Variants in UTRN observed in about 807,000 individuals in gnomAD.
UTRN encodes dystrophin-related protein 1.
UTRN carries 283 observed loss-of-function variants against 463.9 expected under a neutral mutation model. That is an observed-to-expected ratio of 0.61 (90% CI 0.55 to 0.67). The LOEUF is 0.67. Ranked by LOEUF, UTRN falls within the 30% of genes least tolerant of loss-of-function variation. The pLI is 0.00. For synonymous variants in UTRN, 1,442 were observed against 1,431.5 expected, an observed-to-expected ratio of 1.01 and a Z score of -0.17; for missense variants, 3,922 against 4,084.3, an observed-to-expected ratio of 0.96 and a Z score of 1.08.
chr6:144,792,147 T>C (rs909056186), intron 62 of UTRN, among the ~76,000 whole-genome samples: 1 of 152,222 alleles, frequency 6.6e-6, no homozygotes, highest in Non-Finnish European at 1.5e-5. Context: ...ATGCTTATAA[T>C]TAAAGCCATA....
rs114620291 is a variant in UTRN, at chr6:144,614,392, C to A, written c.7479+37104C>A. Among the ~76,000 whole-genome samples the A allele has an allele frequency of 2.4e-3, 363 of 152,138 alleles. 4 individuals carry two copies. Among genetic ancestry groups the A allele is most frequent in the African/African-American group, 8.5e-3 (351 of 41,538 alleles). On this transcript the variant is annotated intron_variant, in intron 51 of 74. Transcript: ENST00000367545. Reference sequence around the variant, plus strand: ...AAAATACAGGAGTCCCAGGACCTTCCCCCAAGGACAGATTCCTGGGAAGGT... The same window carrying A: ...AAAATACAGGAGTCCCAGGACCTTCACCCAAGGACAGATTCCTGGGAAGGT...
chr6:144,423,435 C>A, intron 4 of UTRN, 114 bp from the exon 5 acceptor site: 1 of 1,020,162 alleles, frequency 9.8e-7, no homozygotes, highest in South Asian at 1.4e-5. Context: ...AGATCTCCTG[C>A]CTCTGAGGGG....
At chr6:144,397,264 C>T (rs1782524492) in intron 2 of UTRN, among the ~76,000 whole-genome samples, 2 of 151,956 alleles carry the variant, frequency 1.3e-5, no homozygotes, top group East Asian at 1.9e-4. Flanking sequence ...AAATGTTCCT[C>T]TGATGCTGAA....
intron 18 of UTRN, 77 bp downstream of exon 18, chr6:144,451,570 T>C (rs1272288244): frequency 6.8e-7 from 1 of 1,474,622 alleles, no homozygotes; most frequent in Admixed American, 2.2e-5. Flanking sequence ...CATAAAGACA[T>C]TATGGAATTC....
At chr6:144,764,759 GA>G (rs1314824455) in intron 58 of UTRN, among the ~76,000 whole-genome samples, 1 of 151,878 alleles carries the variant, frequency 6.6e-6, no homozygotes, top group Non-Finnish European at 1.5e-5. Flanking sequence ...TAACCATATA[GA>G]AAAAAATAGA....
chr6:144,730,379 A>C lies in UTRN; in HGVS notation c.7832A>C (p.Glu2611Ala). ...HCKALRRELK[E>A]KEYSVLNAVD... ...AAGGCCCTGAGACGGGAGTTAAAGG[A>C]GAAAGAATATTCTGTCCTGAATGCT... The change falls in exon 54 of 75, where the codon GAG (glutamate) becomes GCG (alanine). Residue 2611 changes from glutamate (E) to alanine (A), a missense_variant. Coordinates refer to ENST00000367545, the MANE Select transcript of UTRN (RefSeq NM_007124.3). 6.2e-7 allele frequency: 1 copy of C among 1,607,792 alleles called. No homozygotes were observed. Among genetic ancestry groups the C allele is most frequent in the Non-Finnish European group, 8.5e-7 (1 of 1,176,818 alleles).
Position 144,309,516 on chromosome 6 carries a change from G to A in UTRN, c.79+17609G>A, listed in dbSNP as rs1267177382. On this transcript the variant is annotated intron_variant, in intron 2 of 74. Coordinates refer to ENST00000367545, the MANE Select transcript of UTRN (RefSeq NM_007124.3). ...TCATCTTTGTAGTCCTTTCTTTCTC[G>A]TATACCCACATCCAATGCAGCAGAT... 6.6e-5 allele frequency among the ~76,000 whole-genome samples: 10 copies of A among 151,992 alleles called. No homozygotes were observed. In the East Asian group the frequency reaches 9.6e-4, roughly 15 times the overall value.
chr6:144,353,140 A>G (rs1311683520), intron 2 of UTRN, among the ~76,000 whole-genome samples: 4 of 151,544 alleles, frequency 2.6e-5, no homozygotes, highest in African/African-American at 9.7e-5. Context: ...TTTGGGTAAG[A>G]GTCTCGCTCT....
At chr6:144,668,472 C>T (rs1780654249) in intron 51 of UTRN, among the ~76,000 whole-genome samples, 1 of 152,224 alleles carries the variant, frequency 6.6e-6, no homozygotes, top group Non-Finnish European at 1.5e-5. Flanking sequence ...ATGAGTGAGG[C>T]TGTCTTAGTC....
intron 33 of UTRN, among the ~76,000 whole-genome samples, chr6:144,495,805 A>G (rs79400007): frequency 0.041 from 6,291 of 152,348 alleles, 444 homozygotes; most frequent in African/African-American, 0.14. Context: ...TAGTCGCAAC[A>G]TGTAAGATTT....
intron 2 of UTRN, among the ~76,000 whole-genome samples, chr6:144,326,143 CAAACTT>C (rs1416610946): frequency 1.3e-5 from 2 of 152,122 alleles, no homozygotes; most frequent in Admixed American, 6.5e-5. Context: ...TTATTGAAAA[CAAACTT>C]AAGTGCATTT....
intron 2 of UTRN, among the ~76,000 whole-genome samples, chr6:144,379,970 A>G (rs1441398759): frequency 6.6e-6 from 1 of 152,194 alleles, no homozygotes. Context: ...TTTTTCAGGC[A>G]GGGAGTGTTC....
At chr6:144,531,489 G>C (rs532768460) in intron 42 of UTRN, among the ~76,000 whole-genome samples, 15 of 152,244 alleles carry the variant, frequency 9.9e-5, no homozygotes, top group Non-Finnish European at 1.9e-4. Context: ...TTTGTAAACT[G>C]TTATGCCTAA....
At chr6:144,738,468 G>T (rs1371967447) in intron 54 of UTRN, among the ~76,000 whole-genome samples, 2 of 152,300 alleles carry the variant, frequency 1.3e-5, no homozygotes, top group East Asian at 3.9e-4. Flanking sequence ...GCACAGGGGA[G>T]TTGGAGCCTT....
At chr6:144,727,582 T>C (rs568198197) in intron 53 of UTRN, among the ~76,000 whole-genome samples, 170 of 151,498 alleles carry the variant, frequency 1.1e-3, no homozygotes, top group Non-Finnish European at 1.7e-3. Context: ...CACAGTGAAA[T>C]GCCATCTCTA....
At chr6:144,768,202 T>C (rs9497075) in intron 58 of UTRN, among the ~76,000 whole-genome samples, 2,524 of 152,294 alleles carry the variant, frequency 0.017, 66 homozygotes, top group African/African-American at 0.057. Flanking sequence ...TACAGTCTTA[T>C]ATTATTTGTG....
At chr6:144,521,753 CATACTT>C (rs1179042024) in intron 39 of UTRN, among the ~76,000 whole-genome samples, 2 of 151,966 alleles carry the variant, frequency 1.3e-5, no homozygotes, top group African/African-American at 2.4e-5. Flanking sequence ...AAATTAATAA[CATACTT>C]ATACTGTTTA....
chr6:144,447,403 A>G, intron 15 of UTRN, 85 bp downstream of exon 15: 1 of 1,422,270 alleles, frequency 7.0e-7, no homozygotes, highest in Non-Finnish European at 9.7e-7. Context: ...AATTTAGTGA[A>G]TGCAGATTAC....
chr6:144,729,366 CA>C (rs1203943422), intron 53 of UTRN, among the ~76,000 whole-genome samples: 1 of 152,106 alleles, frequency 6.6e-6, no homozygotes, highest in Non-Finnish European at 1.5e-5. Flanking sequence ...AGCATCTCAA[CA>C]TAGTGATGTC....
Sources: allele counts gnomAD v4.1 joint callset (sites outside exome capture counted in the v4.1 genomes callset), GRCh38; gene constraint gnomAD v4.1.1; transcripts MANE v1.5; gene names NCBI Gene and HGNC (gene_info 2026-07-23, HGNC 2026-07-21).